NIM1K: variants seen among roughly 807,000 people sequenced by gnomAD.
The protein encoded by NIM1K is serine/threonine-protein kinase NIM1.
NIM1K carries 35 observed loss-of-function variants against 37.1 expected under a neutral mutation model. The ratio of observed to expected loss-of-function variants is 0.94; its 90% CI spans 0.72 to 1.25. NIM1K has a LOEUF of 1.25. Among genes scored for constraint, NIM1K ranks in the 50% most tolerant of loss-of-function variants. NIM1K has a pLI of 0.00. For synonymous variants in NIM1K, 234 were observed against 206.6 expected, an observed-to-expected ratio of 1.13 and a Z score of -1.14; for missense variants, 564 against 548.0, an observed-to-expected ratio of 1.03 and a Z score of -0.29.
chr5:43,210,023 C>T (rs1298032997), intron 1 of NIM1K, among the ~76,000 whole-genome samples: 1 of 152,136 alleles, frequency 6.6e-6, no homozygotes, highest in Non-Finnish European at 1.5e-5. Flanking sequence ...GGACTTGCCC[C>T]ACAGAAACGC....
chr5:43,232,908 G>T, intron 1 of NIM1K: 1 of 1,152,482 alleles, frequency 8.7e-7, no homozygotes, highest in Non-Finnish European at 1.3e-6. Context: ...GCTGCTCAGG[G>T]TGGAAGAGCT....
intron 2 of NIM1K, among the ~76,000 whole-genome samples, chr5:43,268,295 G>T (rs1286746287): frequency 1.3e-5 from 2 of 152,224 alleles, no homozygotes; most frequent in Non-Finnish European, 2.9e-5. Flanking sequence ...TGCAAGGCCA[G>T]TCATGCCATG....
intron 1 of NIM1K, chr5:43,233,044 C>T: frequency 7.7e-7 from 1 of 1,290,482 alleles, no homozygotes; most frequent in Non-Finnish European, 1.1e-6. Flanking sequence ...GTCATCTCCT[C>T]CCCGAGTGGT....
Position 43,245,668 on chromosome 5 carries a change from AC to A in NIM1K, c.-105del. ...TCAGCTCTCAGGAAAACTCTTTTGA[AC>A]CCTGGGCACCTGCTGTCCTCAGTTG... On this transcript the variant is annotated 5_prime_UTR_variant, in exon 2 of 4. Transcript: ENST00000326035. 9.1e-7 allele frequency: 1 copy of A among 1,098,068 alleles called. No homozygotes were observed. The highest frequency in any genetic ancestry group is 1.3e-6 in the Non-Finnish European group (1 of 770,870). 68.0% of individuals were successfully genotyped at this position (1,098,068 alleles called of 1,614,324 possible). A position where few individuals can be genotyped will look rare whatever the true frequency, so the allele number is the denominator to read the frequency against.
intron 1 of NIM1K, among the ~76,000 whole-genome samples, chr5:43,203,727 T>TA (rs1752066896): frequency 2.0e-5 from 3 of 152,068 alleles, no homozygotes; most frequent in African/African-American, 4.8e-5. Flanking sequence ...CAACTTTCCA[T>TA]AAAAAATCCC....
At chr5:43,210,421 T>C (rs761314355) in intron 1 of NIM1K, among the ~76,000 whole-genome samples, 11 of 152,120 alleles carry the variant, frequency 7.2e-5, no homozygotes, top group Non-Finnish European at 1.3e-4. Context: ...TGTTTAGAGA[T>C]AGAGATGCAT....
chr5:43,226,974 A>T (rs1031617742), intron 1 of NIM1K, among the ~76,000 whole-genome samples: 3 of 152,156 alleles, frequency 2.0e-5, no homozygotes, highest in Admixed American at 6.5e-5. Context: ...ACTTGGACAG[A>T]GTGGAAAAGG....
At chr5:43,201,589 C>G (rs1374704958) in intron 1 of NIM1K, among the ~76,000 whole-genome samples, 1 of 152,106 alleles carries the variant, frequency 6.6e-6, no homozygotes, top group East Asian at 1.9e-4. Context: ...ATAAAACAGC[C>G]ATTCATATTT....
At chr5:43,224,697 ATT>A (rs34015498) in intron 1 of NIM1K, among the ~76,000 whole-genome samples, 2 of 140,778 alleles carry the variant, frequency 1.4e-5, no homozygotes, top group African/African-American at 2.6e-5. Flanking sequence ...TAACAAGTGA[ATT>A]TTTTTTTTTT....
rs187366874 is a variant in NIM1K at position 43,274,225 on chromosome 5, G to A, written c.293-2832G>A. ...GAGGGAAGCCTTTGCTAAGAACCAT[G>A]AAAGGAAAGGAGAAAAAGAAAACTA... On this transcript the variant is annotated intron_variant, in intron 2 of 3. Transcript: ENST00000326035. 6.0e-4 allele frequency among the ~76,000 whole-genome samples: 92 copies of A among 152,276 alleles called. 2 individuals are homozygous for A. The highest frequency in any genetic ancestry group is 2.1e-3 in the African/African-American group (87 of 41,544).
At chr5:43,214,073 G>A (rs1249181051) in intron 1 of NIM1K, among the ~76,000 whole-genome samples, 1 of 150,276 alleles carries the variant, frequency 6.7e-6, no homozygotes, top group Non-Finnish European at 1.5e-5. Context: ...CCAAAGTGCT[G>A]GCATTACAGG....
At chr5:43,268,973 T>A (rs1337304410) in intron 2 of NIM1K, among the ~76,000 whole-genome samples, 7 of 152,014 alleles carry the variant, frequency 4.6e-5, no homozygotes, top group Non-Finnish European at 8.8e-5. Context: ...TTCTTTTTTT[T>A]AACTGTTGTT....
intron 1 of NIM1K, among the ~76,000 whole-genome samples, chr5:43,201,579 A>G (rs966929380): frequency 1.3e-5 from 2 of 152,192 alleles, no homozygotes; most frequent in African/African-American, 2.4e-5. Flanking sequence ...ATGACACAAA[A>G]TAAAACAGCC....
chr5:43,199,665 G>A (rs1292427377), intron 1 of NIM1K, among the ~76,000 whole-genome samples: 1 of 152,180 alleles, frequency 6.6e-6, no homozygotes, highest in Non-Finnish European at 1.5e-5. Context: ...GGCCAAAACT[G>A]TGTCTCAGAG....
intron 2 of NIM1K, among the ~76,000 whole-genome samples, chr5:43,254,685 A>G (rs902933710): frequency 1.3e-5 from 2 of 152,234 alleles, no homozygotes; most frequent in African/African-American, 2.4e-5. Flanking sequence ...GGGCTAGAGC[A>G]CGAACTCAGT....
chr5:43,248,024 G>C (rs1055712442), intron 2 of NIM1K, among the ~76,000 whole-genome samples: 1 of 152,108 alleles, frequency 6.6e-6, no homozygotes, highest in Admixed American at 6.6e-5. Context: ...GAAAAACATA[G>C]AAGAGAAAAG....
intron 2 of NIM1K, among the ~76,000 whole-genome samples, chr5:43,266,021 A>C (rs1377471031): frequency 1.3e-5 from 2 of 152,230 alleles, no homozygotes; most frequent in Non-Finnish European, 2.9e-5. Context: ...TGTGTGAGGC[A>C]TCAGTCGGCC....
chr5:43,253,843 A>G (rs576801382), intron 2 of NIM1K, among the ~76,000 whole-genome samples: 25 of 151,970 alleles, frequency 1.6e-4, no homozygotes, highest in Non-Finnish European at 3.2e-4. Flanking sequence ...TTGTATCTTT[A>G]GTAGAGATGG....
intron 1 of NIM1K, among the ~76,000 whole-genome samples, chr5:43,241,255 A>G (rs557335532): frequency 2.0e-5 from 3 of 150,700 alleles, no homozygotes; most frequent in African/African-American, 7.4e-5. Context: ...AGTCATTTGT[A>G]TTTTCTGTGA....
Sources: gnomAD v4.1 joint callset for allele counts (sites outside exome capture counted in the v4.1 genomes callset) on GRCh38, gnomAD v4.1.1 for gene constraint, MANE v1.5 for transcripts, NCBI Gene and HGNC (gene_info 2026-07-23, HGNC 2026-07-21) for gene names.